AGBL1: variants seen among roughly 807,000 people sequenced by gnomAD.
The protein encoded by AGBL1 is cytosolic carboxypeptidase 4.
In AGBL1, 130 loss-of-function variants were observed where a neutral mutation model predicts 118.9. That is an observed-to-expected ratio of 1.09 (90% CI 0.95 to 1.26). AGBL1 has a LOEUF of 1.26. Among genes scored for constraint, AGBL1 ranks in the 50% most tolerant of loss-of-function variants. AGBL1 has a pLI of 0.00. For missense variants in AGBL1, 1,584 were observed against 1,298.1 expected (o/e 1.22, Z -3.38); for synonymous variants, 555 against 478.9 (o/e 1.16, Z -2.08).
chr15:86,216,304 C>T (rs2078187821), intron 5 of AGBL1, among the ~76,000 whole-genome samples: 1 of 152,018 alleles, frequency 6.6e-6, no homozygotes, highest in Admixed American at 6.5e-5. Flanking sequence ...TAATGTTAAG[C>T]AGAGGTAGCA....
intron 22 of AGBL1, among the ~76,000 whole-genome samples, chr15:86,811,410 TG>T (rs1224982742): frequency 6.6e-6 from 1 of 152,164 alleles, no homozygotes; most frequent in Non-Finnish European, 1.5e-5. Context: ...GATGTGACCG[TG>T]GTTCTTTTTG....
chr15:86,128,889 A>G (rs1286780720), intron 1 of AGBL1, among the ~76,000 whole-genome samples: 1 of 152,194 alleles, frequency 6.6e-6, no homozygotes, highest in African/African-American at 2.4e-5. Flanking sequence ...GACCTTACTG[A>G]CCTATTTACA....
At chr15:86,217,121 C>G (rs1442440402) in intron 5 of AGBL1, among the ~76,000 whole-genome samples, 2 of 152,112 alleles carry the variant, frequency 1.3e-5, no homozygotes, top group Non-Finnish European at 2.9e-5. Flanking sequence ...TTTTTTTCCC[C>G]ATGGCATTTA....
chr15:86,473,503 T>C (rs967209105), intron 18 of AGBL1, among the ~76,000 whole-genome samples: 1 of 152,208 alleles, frequency 6.6e-6, no homozygotes, highest in Non-Finnish European at 1.5e-5. Flanking sequence ...TTTTAGGGTA[T>C]AAAGTTTCAT....
chr15:86,563,671 A>G (rs1286251643), intron 21 of AGBL1, among the ~76,000 whole-genome samples: 2 of 152,148 alleles, frequency 1.3e-5, no homozygotes, highest in East Asian at 3.8e-4. Context: ...ACTGAGTTCA[A>G]TTCCTGGATA....
chr15:86,473,129 C>A (rs1332989774), intron 18 of AGBL1, among the ~76,000 whole-genome samples: 1 of 152,048 alleles, frequency 6.6e-6, no homozygotes, highest in Non-Finnish European at 1.5e-5. Context: ...GAATACTGTT[C>A]TCTAATTTTG....
chr15:86,876,570 G>A (rs1023245504), intron 22 of AGBL1, among the ~76,000 whole-genome samples: 2 of 152,220 alleles, frequency 1.3e-5, no homozygotes, highest in Admixed American at 1.3e-4. Flanking sequence ...TGACCAGCCT[G>A]ATTATGGTTT....
chr15:86,817,561 G>C (rs1227021140), intron 22 of AGBL1, among the ~76,000 whole-genome samples: 1 of 96,686 alleles, frequency 1.0e-5, no homozygotes, highest in Non-Finnish European at 2.2e-5. Flanking sequence ...ACAGAGGAGA[G>C]AGAGAAAGAG....
downstream of AGBL1, among the ~76,000 whole-genome samples, chr15:87,029,382 A>T (rs1457582469): frequency 6.6e-6 from 1 of 151,922 alleles, no homozygotes; most frequent in Non-Finnish European, 1.5e-5. Flanking sequence ...AAGAAAGTGA[A>T]TCTAACCACC....
chr15:86,841,480 T>C (rs1022176531), intron 22 of AGBL1, among the ~76,000 whole-genome samples: 5 of 152,244 alleles, frequency 3.3e-5, no homozygotes, highest in African/African-American at 1.2e-4. Flanking sequence ...ATTTATTTTT[T>C]AATTTACTTT....
intron 17 of AGBL1, among the ~76,000 whole-genome samples, chr15:86,396,533 C>T (rs1041531660): frequency 3.7e-4 from 56 of 152,100 alleles, no homozygotes; most frequent in African/African-American, 1.3e-3. Context: ...ATATTTAACT[C>T]TTTTGTCAAA....
intron 16 of AGBL1, among the ~76,000 whole-genome samples, chr15:86,282,371 A>C (rs2141726240): frequency 6.6e-6 from 1 of 152,334 alleles, no homozygotes; most frequent in South Asian, 2.1e-4. Flanking sequence ...AATTACAATA[A>C]GTTATAACTA....
downstream of AGBL1, among the ~76,000 whole-genome samples, chr15:86,918,056 A>G (rs184716610): frequency 2.0e-3 from 306 of 152,330 alleles, 2 homozygotes; most frequent in African/African-American, 7.2e-3. Context: ...GAAGCCACCA[A>G]AGAGAATTCA....
intron 18 of AGBL1, among the ~76,000 whole-genome samples, chr15:86,474,270 G>A (rs1444035528): frequency 6.6e-6 from 1 of 152,170 alleles, no homozygotes; most frequent in South Asian, 2.1e-4. Context: ...GCCGAAGAAG[G>A]GCAAGGCATT....
At chr15:86,196,802 T>A (rs2077810598) in intron 5 of AGBL1, among the ~76,000 whole-genome samples, 1 of 151,764 alleles carries the variant, frequency 6.6e-6, no homozygotes, top group Non-Finnish European at 1.5e-5. Context: ...GGTGGTCTTA[T>A]AAGAAGAGAA....
chr15:86,237,991 T>A (rs1050892289), intron 6 of AGBL1, among the ~76,000 whole-genome samples: 9 of 152,170 alleles, frequency 5.9e-5, no homozygotes, highest in Admixed American at 5.9e-4. Flanking sequence ...GCCCTTGAGG[T>A]TTGAAGAATT....
chr15:86,725,755 G>T (rs1168309910), intron 22 of AGBL1, among the ~76,000 whole-genome samples: 3 of 152,162 alleles, frequency 2.0e-5, no homozygotes, highest in African/African-American at 7.2e-5. Context: ...GATGCCACTG[G>T]TAGGTATGCA....
chr15:86,311,044 C>A (rs2079912894), intron 17 of AGBL1, among the ~76,000 whole-genome samples: 1 of 152,176 alleles, frequency 6.6e-6, no homozygotes, highest in African/African-American at 2.4e-5. Context: ...GCGTCCCTTG[C>A]AGCCCTCAGA....
chr15:86,814,355 T>A (rs1199346791), intron 22 of AGBL1, among the ~76,000 whole-genome samples: 1 of 152,194 alleles, frequency 6.6e-6, no homozygotes, highest in African/African-American at 2.4e-5. Flanking sequence ...AACATCATCT[T>A]CCATGAAACC....
Sources: gnomAD v4.1 joint callset for allele counts (sites outside exome capture counted in the v4.1 genomes callset) on GRCh38, gnomAD v4.1.1 for gene constraint, MANE v1.5 for transcripts, NCBI Gene and HGNC (gene_info 2026-07-23, HGNC 2026-07-21) for gene names.